The following PIGU variants were observed in gnomAD, a reference collection of about 807,000 sequenced individuals.
PIGU encodes GPI-anchor transamidase component PIGU.
Under a neutral mutation model 49.9 loss-of-function variants are expected in PIGU, and 24 were observed. The ratio of observed to expected loss-of-function variants is 0.48; its 90% CI spans 0.35 to 0.68. The LOEUF is 0.68. PIGU is among the 30% of genes least tolerant of loss of function. The pLI, the probability that PIGU is intolerant of heterozygous loss-of-function variation, is 0.01. For missense variants in PIGU, 490 were observed against 532.6 expected (o/e 0.92, Z 0.79); for synonymous variants, 220 against 205.7 (o/e 1.07, Z -0.59).
intron 6 of PIGU, among the ~76,000 whole-genome samples, chr20:34,631,715 G>C (rs1399140579): frequency 1.2e-5 from 1 of 82,776 alleles, no homozygotes; most frequent in Non-Finnish European, 2.3e-5. Flanking sequence ...CACCATGTCC[G>C]GCTAACCATA....
At chr20:34,585,227 C>T (rs1447237164) in intron 9 of PIGU, among the ~76,000 whole-genome samples, 2 of 152,208 alleles carry the variant, frequency 1.3e-5, no homozygotes, top group Non-Finnish European at 2.9e-5. Flanking sequence ...GCTGGGGCTC[C>T]AAAGCACCCT....
At chr20:34,642,041 G>GA (rs1338387718) in intron 4 of PIGU, among the ~76,000 whole-genome samples, 1 of 151,840 alleles carries the variant, frequency 6.6e-6, no homozygotes, top group Non-Finnish European at 1.5e-5. Flanking sequence ...ATCATGCAAA[G>GA]AAAAAAACCC....
At chr20:34,660,048 T>TTAAAA (rs1555803431) in intron 1 of PIGU, among the ~76,000 whole-genome samples, 3 of 41,402 alleles carry the variant, frequency 7.2e-5, no homozygotes, top group African/African-American at 1.5e-4. Flanking sequence ...GAATGATCAA[T>TTAAAA]AAAAAAAAAA....
At chr20:34,653,823 T>C (rs1986618468) in intron 2 of PIGU, among the ~76,000 whole-genome samples, 1 of 152,036 alleles carries the variant, frequency 6.6e-6, no homozygotes, top group Non-Finnish European at 1.5e-5. Context: ...AGGATAAGCA[T>C]AAGATTCTTT....
At chr20:34,597,184 T>C (rs1271626938) in intron 7 of PIGU, among the ~76,000 whole-genome samples, 1 of 152,188 alleles carries the variant, frequency 6.6e-6, no homozygotes, top group Non-Finnish European at 1.5e-5. Context: ...AAAAAACTTG[T>C]ACCAGAATGT....
At chr20:34,574,150 C>G (rs560790265) in intron 11 of PIGU, among the ~76,000 whole-genome samples, 41 of 152,220 alleles carry the variant, frequency 2.7e-4, no homozygotes, top group Non-Finnish European at 5.3e-4. Context: ...CACTACGAGG[C>G]CAGAGCCTGA....
intron 7 of PIGU, among the ~76,000 whole-genome samples, chr20:34,608,263 G>T (rs1984690167): frequency 6.6e-6 from 1 of 151,932 alleles, no homozygotes; most frequent in South Asian, 2.1e-4. Flanking sequence ...CAGTAGAGAA[G>T]GAGTTTCACC....
intron 2 of PIGU, among the ~76,000 whole-genome samples, chr20:34,651,227 A>C (rs987806553): frequency 5.9e-5 from 9 of 152,212 alleles, no homozygotes; most frequent in Admixed American, 5.9e-4. Context: ...GTAGTCCTTC[A>C]GAAGTTCCAG....
At chr20:34,585,782 C>A (rs1394210420) in intron 8 of PIGU, among the ~76,000 whole-genome samples, 1 of 152,142 alleles carries the variant, frequency 6.6e-6, no homozygotes, top group African/African-American at 2.4e-5. Flanking sequence ...ATAATGATAA[C>A]CCATAACAAA....
At chr20:34,568,545 C>A (rs1053267233) in intron 11 of PIGU, among the ~76,000 whole-genome samples, 1 of 152,136 alleles carries the variant, frequency 6.6e-6, no homozygotes, top group Non-Finnish European at 1.5e-5. Flanking sequence ...CGAGCCAACC[C>A]CAAATGGGGG....
chr20:34,673,081 C>T lies in PIGU; in HGVS notation c.130+3875G>A, dbSNP rs926365852. Among the ~76,000 whole-genome samples, 5 of 151,702 alleles carry T rather than the reference C, an allele frequency of 3.3e-5. No homozygotes were observed. The South Asian group carries it at 1.0e-3, about 32-fold the overall frequency. The stretch of plus-strand genomic sequence containing the variant: ...CATCCTGGCTAACATGGTGAAACCC[C>T]GTCTCTACTAAAAATACAAAAAATT... On this transcript the variant is annotated intron_variant, in intron 1 of 11. Transcript: ENST00000217446.
intron 10 of PIGU, chr20:34,579,095 T>C (rs1983354013): frequency 6.6e-6 from 1 of 152,218 alleles, no homozygotes; most frequent in African/African-American, 2.4e-5. Flanking sequence ...GATATTCCCT[T>C]TCTTAAACGA....
At chr20:34,573,186 C>T (rs1983084692) in intron 11 of PIGU, among the ~76,000 whole-genome samples, 1 of 151,988 alleles carries the variant, frequency 6.6e-6, no homozygotes, top group Non-Finnish European at 1.5e-5. Flanking sequence ...GACTTCTTTC[C>T]CCCAGCAATA....
At position 34,581,639 on chromosome 20, in the gene PIGU, G is replaced by A. The variant is rs374246287; in HGVS notation, c.960C>T (p.Ile320=). The change falls in exon 10 of 12, where the codon ATC becomes ATT. Residue 320 remains isoleucine, a synonymous_variant. Transcript: ENST00000217446. The stretch of plus-strand genomic sequence containing the variant: ...AGGACTTAAAGATGGCGATGACAGC[G>A]ATCTGGATAAACATGAAGAAGATGG... ...EHPIFFMFIQ[I]AVIAIFKSYP... The A allele has an allele frequency of 3.7e-4, 603 of 1,613,920 alleles. No homozygotes were observed. The highest frequency in any genetic ancestry group is 4.7e-4 in the Non-Finnish European group (555 of 1,179,856).
At chr20:34,614,311 A>G (rs1173154843) in intron 7 of PIGU, among the ~76,000 whole-genome samples, 1 of 148,504 alleles carries the variant, frequency 6.7e-6, no homozygotes, top group African/African-American at 2.4e-5. Flanking sequence ...AAATAAGAAA[A>G]AGAAAAAGAA....
chr20:34,584,111 G>A (rs1317862450), intron 9 of PIGU, among the ~76,000 whole-genome samples: 1 of 152,152 alleles, frequency 6.6e-6, no homozygotes, highest in Admixed American at 6.5e-5. Context: ...ACAAACCTGA[G>A]TCTAAATCCC....
intron 6 of PIGU, among the ~76,000 whole-genome samples, chr20:34,632,546 T>C (rs1347282535): frequency 6.6e-6 from 1 of 152,022 alleles, no homozygotes; most frequent in Non-Finnish European, 1.5e-5. Context: ...TTTTTGTTTT[T>C]AGTAGAGATG....
At chr20:34,669,667 A>G (rs78120149) in intron 1 of PIGU, among the ~76,000 whole-genome samples, 35 of 72,252 alleles carry the variant, frequency 4.8e-4, no homozygotes, top group African/African-American at 9.1e-4. Flanking sequence ...ACTCTGGCTG[A>G]AAAAAAAAAA....
rs147033306 is a variant in PIGU, at chr20:34,625,041, G to A, written c.530-8902C>T. Among the ~76,000 whole-genome samples the A allele has an allele frequency of 4.0e-4, 61 of 152,170 alleles. No homozygotes were observed. In the East Asian group the frequency reaches 9.3e-3, roughly 23 times the overall value. ...TTATCAATCAAGTTAATTTAATTTCGTTTTTAATTATGTACTCACTGAAGA... is the reference window on the plus strand; with the variant it reads ...TTATCAATCAAGTTAATTTAATTTCATTTTTAATTATGTACTCACTGAAGA... On this transcript the variant is annotated intron_variant, in intron 6 of 11. Transcript: ENST00000217446.
Sources: gnomAD v4.1 joint callset for allele counts (sites outside exome capture counted in the v4.1 genomes callset) on GRCh38, gnomAD v4.1.1 for gene constraint, MANE v1.5 for transcripts, NCBI Gene and HGNC (gene_info 2026-07-23, HGNC 2026-07-21) for gene names.